The following CACNA2D3 variants were observed in gnomAD, a reference collection of about 807,000 sequenced individuals.
The protein encoded by CACNA2D3 is voltage-dependent calcium channel subunit alpha-2/delta-3.
A neutral mutation model predicts 160.6 loss-of-function variants in CACNA2D3; 60 were observed. The ratio of observed to expected loss-of-function variants is 0.37; its 90% confidence interval spans 0.30 to 0.46. The LOEUF is 0.46. Ranked by LOEUF, CACNA2D3 falls within the 20% of genes least tolerant of loss-of-function variation. The pLI is 1.00. For missense variants in CACNA2D3, 1,205 were observed against 1,365.0 expected, an observed-to-expected ratio of 0.88 and a Z score of 1.85; for synonymous variants, 558 against 492.9, an observed-to-expected ratio of 1.13 and a Z score of -1.75.
chr3:54,183,956 G>T (rs1255032566), intron 2 of CACNA2D3, among the ~76,000 whole-genome samples: 2 of 146,050 alleles, frequency 1.4e-5, no homozygotes, highest in Non-Finnish European at 3.0e-5. Context: ...AAGCAAAGTG[G>T]AATTACCTTG....
intron 35 of CACNA2D3, among the ~76,000 whole-genome samples, chr3:55,030,050 G>A (rs1053824692): frequency 6.6e-6 from 1 of 152,130 alleles, no homozygotes; most frequent in Non-Finnish European, 1.5e-5. Context: ...GGAGATTGAA[G>A]GCTCTTCATC....
chr3:54,647,126 A>G (rs1366612119), intron 11 of CACNA2D3, among the ~76,000 whole-genome samples: 1 of 152,154 alleles, frequency 6.6e-6, no homozygotes. Context: ...GCAGATGAAA[A>G]CACAGCCCAG....
chr3:54,404,898 T>TA (rs1222263813), intron 4 of CACNA2D3, among the ~76,000 whole-genome samples: 6 of 151,902 alleles, frequency 3.9e-5, no homozygotes, highest in Non-Finnish European at 8.8e-5. Flanking sequence ...ATGAAATACT[T>TA]AAGAATAAAT....
chr3:54,824,510 A>G (rs1429767477), intron 14 of CACNA2D3, among the ~76,000 whole-genome samples: 3 of 152,212 alleles, frequency 2.0e-5, no homozygotes, highest in African/African-American at 7.2e-5. Flanking sequence ...TGCATTCATC[A>G]TTGCAGAAGG....
In CACNA2D3 at chr3:54,347,072, A is replaced by G. The variant is rs553679810; in HGVS notation, c.321+26514A>G. Among the ~76,000 whole-genome samples, 25 of 152,304 alleles carry G rather than the reference A, an allele frequency of 1.6e-4. No individual in the cohort carries two copies. In the East Asian group the frequency reaches 4.4e-3, roughly 27 times the overall value. On this transcript the variant is annotated intron_variant, in intron 3 of 37. Transcript: ENST00000474759. ...TGAGGAAAATGACAAAGCCAGCCAT[A>G]TTGTTCATGGCAGGGGACACATTGC... is the stretch of plus-strand genomic sequence containing the variant.
chr3:54,267,714 T>G (rs191370555), intron 2 of CACNA2D3, among the ~76,000 whole-genome samples: 20 of 152,318 alleles, frequency 1.3e-4, no homozygotes, highest in African/African-American at 4.8e-4. Flanking sequence ...GACTGAAAAC[T>G]TAGAAGATGT....
chr3:54,636,638 G>T (rs1575397851), intron 10 of CACNA2D3, among the ~76,000 whole-genome samples: 1 of 152,024 alleles, frequency 6.6e-6, no homozygotes, highest in East Asian at 1.9e-4. Context: ...AGGCTACAGG[G>T]TGTGGTCCTG....
chr3:54,945,496 T>C (rs770823949), intron 27 of CACNA2D3, among the ~76,000 whole-genome samples: 13 of 152,184 alleles, frequency 8.5e-5, no homozygotes, highest in Non-Finnish European at 1.9e-4. Context: ...ACAATGTCTT[T>C]TAGGTGCCTA....
intron 3 of CACNA2D3, among the ~76,000 whole-genome samples, chr3:54,379,732 T>G (rs1473154391): frequency 6.6e-6 from 1 of 152,214 alleles, no homozygotes; most frequent in African/African-American, 2.4e-5. Context: ...GGAACGTTCT[T>G]TCAGCACTTC....
At position 54,809,623 on chromosome 3, in the gene CACNA2D3, CTTCTTTCT is replaced by C. The variant is rs138945901; in HGVS notation, c.1381-7214_1381-7207del. 2.9e-4 allele frequency among the ~76,000 whole-genome samples: 43 copies of C among 148,834 alleles called. 1 individual carries two copies. The highest frequency in any genetic ancestry group is 9.5e-4 in the African/African-American group (37 of 38,792). ...GTGAGCCACCGCGCCCGGCCCCTTC[CTTCTTTCT>C]TTCTTTCTTTCTTTCATTCTTTCTT... On this transcript the variant is annotated intron_variant, in intron 13 of 37. Coordinates refer to ENST00000474759, the MANE Select transcript of CACNA2D3 (RefSeq NM_018398.3).
At chr3:54,801,266 G>C (rs1003876973) in intron 13 of CACNA2D3, among the ~76,000 whole-genome samples, 2 of 152,142 alleles carry the variant, frequency 1.3e-5, no homozygotes, top group African/African-American at 4.8e-5. Flanking sequence ...GGGATTACAG[G>C]GGTGAGCCAT....
intron 11 of CACNA2D3, among the ~76,000 whole-genome samples, chr3:54,724,902 G>T (rs1252317995): frequency 6.6e-6 from 1 of 152,116 alleles, no homozygotes; most frequent in Non-Finnish European, 1.5e-5. Context: ...CAGAAGACAG[G>T]ATAGAATTAA....
rs182673667 is a variant in CACNA2D3, at chr3:54,503,951, A to G, written c.544+297A>G. On this transcript the variant is annotated intron_variant, in intron 5 of 37. Transcript: ENST00000474759. ...GTAAATATCTTAGGCTTTGCCAGCC[A>G]TAGAGTCTCTGTTGCAACTACTCAC... Among the ~76,000 whole-genome samples, 25 of 152,324 alleles carry G rather than the reference A, an allele frequency of 1.6e-4. No homozygotes were observed. In the East Asian group the frequency reaches 4.6e-3, roughly 28 times the overall value.
At chr3:54,733,397 C>T (rs1701430935) in intron 11 of CACNA2D3, among the ~76,000 whole-genome samples, 1 of 152,194 alleles carries the variant, frequency 6.6e-6, no homozygotes, top group Non-Finnish European at 1.5e-5. Flanking sequence ...CATGAGTTTT[C>T]TGTATGGTGT....
chr3:54,888,447 G>T (rs1699978838), intron 24 of CACNA2D3, among the ~76,000 whole-genome samples: 1 of 152,142 alleles, frequency 6.6e-6, no homozygotes, highest in South Asian at 2.1e-4. Flanking sequence ...GTTTCATAGG[G>T]TGTTAGATAT....
At chr3:54,517,259 C>T (rs1575499221) in intron 5 of CACNA2D3, among the ~76,000 whole-genome samples, 1 of 152,212 alleles carries the variant, frequency 6.6e-6, no homozygotes, top group Admixed American at 6.5e-5. Flanking sequence ...AGAAGCCCAA[C>T]CCCCAGGCTG....
intron 27 of CACNA2D3, among the ~76,000 whole-genome samples, chr3:54,900,239 T>C (rs2106888985): frequency 6.6e-6 from 1 of 152,328 alleles, no homozygotes; most frequent in South Asian, 2.1e-4. Flanking sequence ...ATTGCAGGTT[T>C]GTTTTAGGCA....
At chr3:55,058,303 A>G (rs1041507888) in intron 35 of CACNA2D3, among the ~76,000 whole-genome samples, 5 of 152,230 alleles carry the variant, frequency 3.3e-5, no homozygotes, top group Admixed American at 6.5e-5. Context: ...GATAGAGTCA[A>G]AGTAGGAAGG....
rs73841903 is a variant in CACNA2D3, at chr3:54,187,586, C to T, written c.204+63992C>T. On this transcript the variant is annotated intron_variant, in intron 2 of 37. Transcript: ENST00000474759. ...GGGGACTGGCAGTCAGGAAGGGCTTCCCGGGTGAGCTCATGATTGACTAGG... is the reference window on the plus strand; with the variant it reads ...GGGGACTGGCAGTCAGGAAGGGCTTTCCGGGTGAGCTCATGATTGACTAGG... Among the ~76,000 whole-genome samples, 458 of 152,086 alleles carry T rather than the reference C, an allele frequency of 3.0e-3. 3 individuals are homozygous for T. Among genetic ancestry groups the T allele is most frequent in the African/African-American group, 0.01 (429 of 41,472 alleles).
Sources: allele counts gnomAD v4.1 joint callset (sites outside exome capture counted in the v4.1 genomes callset), GRCh38; gene constraint gnomAD v4.1.1; transcripts MANE v1.5; gene names NCBI Gene and HGNC (gene_info 2026-07-23, HGNC 2026-07-21).